Variants in INTS6 observed in about 807,000 individuals in gnomAD.
INTS6 encodes DEAD box protein.
In INTS6, 16 loss-of-function variants were observed where a neutral mutation model predicts 104.9. The ratio of observed to expected loss-of-function variants is 0.15; its 90% CI spans 0.10 to 0.23. The LOEUF (loss-of-function observed/expected upper bound fraction) is 0.23, where lower values mean the gene tolerates loss of function less well. Ranked by LOEUF, INTS6 falls within the 10% of genes least tolerant of loss-of-function variation. The pLI is 1.00. For synonymous variants in INTS6, 324 were observed against 358.7 expected, an observed-to-expected ratio of 0.90 and a Z score of 1.09; for missense variants, 584 against 1,062.8, an observed-to-expected ratio of 0.55 and a Z score of 6.26.
intron 6 of INTS6, among the ~76,000 whole-genome samples, chr13:51,388,640 A>T (rs987373416): frequency 6.6e-6 from 1 of 152,120 alleles, no homozygotes; most frequent in African/African-American, 2.4e-5. Flanking sequence ...TGATCCACCC[A>T]CCTTGGCCTC....
rs1953082396 is a variant in INTS6 at position 51,452,403 on chromosome 13, G to A, written c.111+12C>T. The A allele has an allele frequency of 1.9e-6, 3 of 1,567,082 alleles. No individual in the cohort carries two copies. Among genetic ancestry groups the A allele is most frequent in the African/African-American group, 1.4e-5 (1 of 70,914 alleles). On this transcript the variant is annotated intron_variant, in intron 1 of 17. Coordinates refer to ENST00000311234, the MANE Select transcript of INTS6 (RefSeq NM_012141.3). The surrounding 1 kb of genome is among the most constrained non-coding windows in gnomAD (Gnocchi z 4.2). ...GGGCCGGGGTCGCCGCCCGGGCTCGGTCAGTCGGTACCTTCATGAAGGTCT... is the reference window on the plus strand; with the variant it reads ...GGGCCGGGGTCGCCGCCCGGGCTCGATCAGTCGGTACCTTCATGAAGGTCT...
intron 3 of INTS6, among the ~76,000 whole-genome samples, chr13:51,431,645 G>A (rs1281267982): frequency 6.6e-6 from 1 of 152,052 alleles, no homozygotes; most frequent in African/African-American, 2.4e-5. Context: ...TCGTAAAGTG[G>A]GAAGGGGGAC....
chr13:51,449,839 G>A (rs907402879), intron 3 of INTS6: 56 of 985,138 alleles, frequency 5.7e-5, no homozygotes, highest in Non-Finnish European at 6.1e-5. Flanking sequence ...AAACATAAAA[G>A]TATTAATGTG....
At chr13:51,414,863 C>CAT (rs1372072498) in intron 4 of INTS6, among the ~76,000 whole-genome samples, 17 of 150,918 alleles carry the variant, frequency 1.1e-4, no homozygotes, top group Non-Finnish European at 2.1e-4. Flanking sequence ...CACACACACA[C>CAT]ACACACAGTT....
the INTS6 span, chr13:51,341,415 C>A: frequency 7.1e-7 from 1 of 1,416,116 alleles, no homozygotes; most frequent in Non-Finnish European, 9.6e-7. Flanking sequence ...TCCAGCTCAC[C>A]CTCCTGCTCA....
chr13:51,430,445 T>G (rs891862249), intron 3 of INTS6, 62 bp from the exon 4 acceptor site: 1 of 1,310,242 alleles, frequency 7.6e-7, no homozygotes, highest in African/African-American at 1.5e-5. Context: ...AAGTAAAAAG[T>G]CAATTCTCAG....
chr13:51,380,439 C>T (rs1204292154), intron 10 of INTS6, among the ~76,000 whole-genome samples: 1 of 152,114 alleles, frequency 6.6e-6, no homozygotes, highest in African/African-American at 2.4e-5. Flanking sequence ...ATATTTAACA[C>T]CTATCTGGCT....
intron 4 of INTS6, among the ~76,000 whole-genome samples, chr13:51,415,917 A>G (rs1212359818): frequency 6.6e-6 from 1 of 152,184 alleles, no homozygotes; most frequent in Non-Finnish European, 1.5e-5. Context: ...AGGCAAATAC[A>G]CTAAGGTCAA....
At position 51,369,156 on chromosome 13, in the gene INTS6, C is replaced by G; in HGVS notation, c.2259G>C (p.Glu753Asp). ...SLLERPTNHM[E>D]ALGHDHLGTN... ...TTCCTAAATGGTCATGACCAAGAGC[C>G]TCCATATGATTGGTTGGCCGTTCCA... Residue 753 changes from glutamate (E) to aspartate (D), a missense_variant, in exon 16 of 18, where the codon GAG becomes GAC. By Grantham distance (45) the Glu-to-Asp change is conservative. Coordinates refer to ENST00000311234, the MANE Select transcript of INTS6 (RefSeq NM_012141.3). 6.2e-7 allele frequency: 1 copy of G among 1,613,864 alleles called. No individual in the cohort carries two copies. The highest frequency in any genetic ancestry group is 8.5e-7 in the Non-Finnish European group (1 of 1,179,844).
At chr13:51,337,796 A>G in the INTS6 span, among the ~76,000 whole-genome samples, 1 of 152,226 alleles carries the variant, frequency 6.6e-6, no homozygotes, top group Non-Finnish European at 1.5e-5. Context: ...AATGCTCTCT[A>G]TATATGTTGT....
intron 3 of INTS6, chr13:51,445,184 C>A (rs1157006769): frequency 6.6e-6 from 1 of 152,096 alleles, no homozygotes; most frequent in South Asian, 2.1e-4. Context: ...AAAAGAATGA[C>A]TTTCTGACTT....
chr13:51,338,694 G>A, the INTS6 span, among the ~76,000 whole-genome samples: 1 of 152,100 alleles, frequency 6.6e-6, no homozygotes, highest in Non-Finnish European at 1.5e-5. Flanking sequence ...TAAAGATTTG[G>A]GGATATTTTA....
At chr13:51,346,977 G>A in the INTS6 span, 1 of 1,417,842 alleles carries the variant, frequency 7.1e-7, no homozygotes. Flanking sequence ...GTTCGGTTCA[G>A]TTTCAATGCA....
At chr13:51,421,027 G>T in intron 4 of INTS6, 1 of 592,704 alleles carries the variant, frequency 1.7e-6, no homozygotes, top group Non-Finnish European at 2.1e-6. Context: ...GGATTTATCA[G>T]TTTAGGGTTG....
In INTS6 at chr13:51,362,075, G is replaced by A; in HGVS notation, c.*3677C>T. The A allele has an allele frequency of 6.5e-7, 1 of 1,548,572 alleles. No individual in the cohort carries two copies. Among genetic ancestry groups the A allele is most frequent in the South Asian group, 1.3e-5 (1 of 79,626 alleles). ...AAGGGGACTATTTCGTAAGTACAAA[G>A]GAAACTTATCCTCCATGTTTTTTAC... On this transcript the variant is annotated 3_prime_UTR_variant, in exon 18 of 18. Coordinates refer to ENST00000311234, the MANE Select transcript of INTS6 (RefSeq NM_012141.3).
the INTS6 span, chr13:51,341,092 A>G: frequency 6.2e-7 from 1 of 1,613,462 alleles, no homozygotes; most frequent in Non-Finnish European, 8.5e-7. Flanking sequence ...CCCAGCCTCC[A>G]TGCCGCCTTT....
intron 15 of INTS6, among the ~76,000 whole-genome samples, chr13:51,370,810 CCT>C (rs1273228709): frequency 1.3e-5 from 2 of 152,188 alleles, no homozygotes; most frequent in African/African-American, 4.8e-5. Flanking sequence ...GCCTCAATCC[CCT>C]GTCTGGCCTG....
intron 10 of INTS6, among the ~76,000 whole-genome samples, chr13:51,381,142 A>G (rs1051410188): frequency 2.6e-5 from 4 of 152,340 alleles, no homozygotes; most frequent in Non-Finnish European, 5.9e-5. Flanking sequence ...AGTATACAAG[A>G]GAATGTGTGT....
chr13:51,404,218 G>A (rs1329006137), intron 4 of INTS6, among the ~76,000 whole-genome samples: 2 of 150,468 alleles, frequency 1.3e-5, no homozygotes, highest in Admixed American at 6.6e-5. Flanking sequence ...AGATTGCAGT[G>A]AGTCATGATA....
Sources: gnomAD v4.1 joint callset for allele counts (sites outside exome capture counted in the v4.1 genomes callset) on GRCh38, gnomAD v4.1.1 for gene constraint, Gnocchi (gnomAD v3.1) non-coding constraint, MANE v1.5 for transcripts, NCBI Gene and HGNC (gene_info 2026-07-23, HGNC 2026-07-21) for gene names.